Variants in TRIP13 observed in about 807,000 individuals in gnomAD.
The protein encoded by TRIP13 is thyroid hormone receptor interactor 13.
In TRIP13, 25 loss-of-function variants were observed where a neutral mutation model predicts 54.4. That is an observed-to-expected ratio of 0.46 (90% CI 0.33 to 0.64). The LOEUF is 0.64. Ranked by LOEUF, TRIP13 falls within the 30% of genes least tolerant of loss-of-function variation. The pLI is 0.02. For synonymous variants in TRIP13, 207 were observed against 207.8 expected, an observed-to-expected ratio of 1.00 and a Z score of 0.03; for missense variants, 373 against 534.2, an observed-to-expected ratio of 0.70 and a Z score of 2.97.
Position 912,110 on chromosome 5 carries a change from T to G in TRIP13, c.1020+114T>G. On this transcript the variant is annotated intron_variant, in intron 10 of 12. Transcript: ENST00000166345. This position sits in a 1 kb window ranked among gnomAD's most constrained non-coding sequence, Gnocchi z 7.2. Reference sequence around the variant, plus strand: ...GTACGGAGGATTTCAACATATGCATTAACTCCCTTCTTAAATTGAAAACTA... The same window carrying G: ...GTACGGAGGATTTCAACATATGCATGAACTCCCTTCTTAAATTGAAAACTA... 21 of 1,263,632 alleles carry G rather than the reference T, an allele frequency of 1.7e-5. No individual in the cohort carries two copies. Among genetic ancestry groups the G allele is most frequent in the Non-Finnish European group, 2.2e-5 (20 of 922,030 alleles). The allele number at this position is 1,263,632 out of a possible 1,614,324, so 78.3% of individuals were successfully genotyped here.
chr5:906,703 G>A (rs1235358069), intron 6 of TRIP13, among the ~76,000 whole-genome samples: 6 of 152,150 alleles, frequency 3.9e-5, no homozygotes, highest in African/African-American at 1.4e-4. Flanking sequence ...GTGTGTTAAG[G>A]TTAACTTTGG....
At position 911,783 on chromosome 5, in the gene TRIP13, G is replaced by T; in HGVS notation, c.867-60G>T. ...CCAACCTCCTTGCCAGATAGGGCAG[G>T]ATAGAATTGGGTCACCGACAGCCGT... On this transcript the variant is annotated intron_variant, in intron 9 of 12. Transcript: ENST00000166345. The surrounding 1 kb of genome is among the most constrained non-coding windows in gnomAD (Gnocchi z 4.7). The T allele has an allele frequency of 6.4e-7, 1 of 1,562,756 alleles. No homozygotes were observed. Among genetic ancestry groups the T allele is most frequent in the African/African-American group, 1.4e-5 (1 of 73,064 alleles).
Position 913,665 on chromosome 5 carries a change from G to A in TRIP13, c.1021-800G>A, listed in dbSNP as rs1168967825. On this transcript the variant is annotated intron_variant, in intron 10 of 12. Transcript: ENST00000166345. This position sits in a 1 kb window ranked among gnomAD's most constrained non-coding sequence, Gnocchi z 4.5. ...GCCACCGTGCCCAGTGATAGGGGTA[G>A]TTTCTTATTTTAGGCAGTTTATATG... Among the ~76,000 whole-genome samples the A allele has an allele frequency of 6.6e-6, 1 of 152,124 alleles. No individual in the cohort carries two copies. Among genetic ancestry groups the A allele is most frequent in the Non-Finnish European group, 1.5e-5 (1 of 68,014 alleles).
chr5:893,476 A>C (rs1377997827), intron 1 of TRIP13, among the ~76,000 whole-genome samples: 2 of 152,264 alleles, frequency 1.3e-5, no homozygotes, highest in African/African-American at 4.8e-5. Flanking sequence ...CTCTAGTCTC[A>C]GCCGAAAGCT....
intron 9 of TRIP13, among the ~76,000 whole-genome samples, chr5:910,845 C>A (rs1174993418): frequency 6.6e-6 from 1 of 152,248 alleles, no homozygotes; most frequent in Non-Finnish European, 1.5e-5. Context: ...GCTCACCCAA[C>A]CTCTGTGCCT....
At position 894,793 on chromosome 5, in the gene TRIP13, A is replaced by G; in HGVS notation, c.99A>G (p.Ala33=). 1.9e-6 allele frequency: 3 copies of G among 1,597,614 alleles called. No individual in the cohort carries two copies. The highest frequency in any genetic ancestry group is 2.6e-6 in the Non-Finnish European group (3 of 1,173,530). The change falls in exon 2 of 13, where the codon GCA becomes GCG. Residue 33 remains alanine, a synonymous_variant. Transcript: ENST00000166345. Reference sequence around the variant, plus strand: ...TTTTGGCTTCTTTTTTTAGCACTGCAAAGAAAGAAGACATAAACCTGAGTG... The same window carrying G: ...TTTTGGCTTCTTTTTTTAGCACTGCGAAGAAAGAAGACATAAACCTGAGTG... ...VEVHQRGSST[A]KKEDINLSVR...
Position 911,927 on chromosome 5 carries a change from G to A in TRIP13, c.951G>A (p.Gln317=), listed in dbSNP as rs1297575904. The part of the protein sequence containing the change: ...VAFVDRADIK[Q]YIGPPSAAAI... ...TCGTGGACAGGGCTGACATCAAGCAGTACATTGGGCCACCCTCTGCAGCAG... is the reference window on the plus strand; with the variant it reads ...TCGTGGACAGGGCTGACATCAAGCAATACATTGGGCCACCCTCTGCAGCAG... The change falls in exon 10 of 13, where the codon CAG becomes CAA. Residue 317 remains glutamine (Q), a synonymous_variant. Coordinates refer to ENST00000166345, the MANE Select transcript of TRIP13 (RefSeq NM_004237.4). This position sits in a 1 kb window ranked among gnomAD's most constrained non-coding sequence, Gnocchi z 4.7. The A allele has an allele frequency of 1.2e-6, 2 of 1,613,614 alleles. No individual in the cohort carries two copies.
intron 6 of TRIP13, 65 bp downstream of exon 6, chr5:904,285 T>C: frequency 7.0e-7 from 1 of 1,426,938 alleles, no homozygotes; most frequent in Non-Finnish European, 9.6e-7. Context: ...AGGTTGTTTT[T>C]TTTTTTTTCT....
Position 917,039 on chromosome 5 carries a change from A to G in TRIP13, c.1235A>G (p.Gln412Arg), listed in dbSNP as rs773586673. ...APTVTIEGFL[Q>R]ALSLAVDKQF... ...ACCGTCACCATAGAGGGGTTCCTCC[A>G]GGCCCTGTCTCTGGCAGTGGACAAG... The change falls in exon 13 of 13, where the codon CAG becomes CGG. Residue 412 changes from glutamine (Q) to arginine (R), a missense_variant. Physicochemically the swap from Gln to Arg is conservative, Grantham distance 43. Around this residue, in one of 4 missense-constraint regions of TRIP13, gnomAD observed 101 missense variants for 138.5 expected, o/e 0.73. Coordinates refer to ENST00000166345, the MANE Select transcript of TRIP13 (RefSeq NM_004237.4). 3.7e-6 allele frequency: 6 copies of G among 1,614,168 alleles called. No homozygotes were observed. Among genetic ancestry groups the G allele is most frequent in the South Asian group, 1.1e-5 (1 of 91,076 alleles).
chr5:915,985 C>T lies in TRIP13; in HGVS notation c.1203+12C>T. On this transcript the variant is annotated intron_variant, in intron 12 of 12. Coordinates refer to ENST00000166345, the MANE Select transcript of TRIP13 (RefSeq NM_004237.4). This position sits in a 1 kb window ranked among gnomAD's most constrained non-coding sequence, Gnocchi z 4.2. ...CGCTGTATGTCCAGGTGAGTCTCCA[C>T]TGCTGTCCTCCAGCACCCGCCCTGT... 1 of 1,613,830 alleles carries T rather than the reference C, an allele frequency of 6.2e-7. No individual in the cohort carries two copies. Among genetic ancestry groups the T allele is most frequent in the Non-Finnish European group, 8.5e-7 (1 of 1,179,786 alleles).
Position 900,411 on chromosome 5 carries a change from G to T in TRIP13, c.389-83G>T. The T allele has an allele frequency of 2.8e-6, 4 of 1,407,024 alleles. No individual in the cohort carries two copies. In the South Asian group the frequency reaches 3.6e-5, roughly 13 times the overall value. The allele number at this position is 1,407,024 out of a possible 1,614,324, so 87.2% of individuals were successfully genotyped here. Reference sequence around the variant, plus strand: ...TGGAGCAGCACAATGGGAAGCTCAGGCTTAGGCTCAGGGGAGACTGACTGG... The same window carrying T: ...TGGAGCAGCACAATGGGAAGCTCAGTCTTAGGCTCAGGGGAGACTGACTGG... On this transcript the variant is annotated intron_variant, in intron 3 of 12. Coordinates refer to ENST00000166345, the MANE Select transcript of TRIP13 (RefSeq NM_004237.4).
Position 915,509 on chromosome 5 carries a change from G to A in TRIP13, c.1134-395G>A, listed in dbSNP as rs1276978731. Among the ~76,000 whole-genome samples, 2 of 139,396 alleles carry A rather than the reference G, an allele frequency of 1.4e-5. No homozygotes were observed. Among genetic ancestry groups the A allele is most frequent in the East Asian group, 2.2e-4 (1 of 4,580 alleles). 91.4% of individuals were successfully genotyped at this position (139,396 alleles called of 152,430 possible). On this transcript the variant is annotated intron_variant, in intron 11 of 12. Coordinates refer to ENST00000166345, the MANE Select transcript of TRIP13 (RefSeq NM_004237.4). The surrounding 1 kb of genome is among the most constrained non-coding windows in gnomAD (Gnocchi z 4.2). ...TGCTGGCCCTGGGGCAGAGGCTCCCGGGCAGGTGATGCATTCCCTGAGCGC... is the reference window on the plus strand; with the variant it reads ...TGCTGGCCCTGGGGCAGAGGCTCCCAGGCAGGTGATGCATTCCCTGAGCGC...
rs1324739983 is a variant in TRIP13, at chr5:913,211, C to T, written c.1020+1215C>T. On this transcript the variant is annotated intron_variant, in intron 10 of 12. Transcript: ENST00000166345. The surrounding 1 kb of genome is among the most constrained non-coding windows in gnomAD (Gnocchi z 4.5). ...GAGGAAGTCGTGTGTGTTGGAGGTC[C>T]TCACGCACCTTCAGTGTGGGTTCCA... Among the ~76,000 whole-genome samples, 1 of 152,232 alleles carries T rather than the reference C, an allele frequency of 6.6e-6. No homozygotes were observed. Among genetic ancestry groups the T allele is most frequent in the Non-Finnish European group, 1.5e-5 (1 of 68,046 alleles).
chr5:910,318 G>A (rs536476842), intron 9 of TRIP13, among the ~76,000 whole-genome samples: 2 of 152,250 alleles, frequency 1.3e-5, no homozygotes, highest in South Asian at 2.1e-4. Flanking sequence ...TGCTGCTGGC[G>A]TCTCTCCGCA....
chr5:907,318 G>A lies in TRIP13; in HGVS notation c.672+125G>A. 1 of 850,256 alleles carries A rather than the reference G, an allele frequency of 1.2e-6. No individual in the cohort carries two copies. Among genetic ancestry groups the A allele is most frequent in the Non-Finnish European group, 1.9e-6 (1 of 533,926 alleles). The allele number at this position is 850,256 out of a possible 1,614,324, so 52.7% of individuals were successfully genotyped here. Reference sequence around the variant, plus strand: ...GGGTGGGAAGGGTGTGTGAGGATTGGGGCTGACTGTGATCAGAGAAGGTTC... The same window carrying A: ...GGGTGGGAAGGGTGTGTGAGGATTGAGGCTGACTGTGATCAGAGAAGGTTC... On this transcript the variant is annotated intron_variant, in intron 7 of 12. Coordinates refer to ENST00000166345, the MANE Select transcript of TRIP13 (RefSeq NM_004237.4). This position sits in a 1 kb window ranked among gnomAD's most constrained non-coding sequence, Gnocchi z 4.1.
chr5:917,058 G>A lies in TRIP13; in HGVS notation c.1254G>A (p.Val418=), dbSNP rs997653407. 4.3e-6 allele frequency: 7 copies of A among 1,613,996 alleles called. No individual in the cohort carries two copies. The highest frequency in any genetic ancestry group is 3.3e-5 in the Admixed American group (2 of 60,006). ...EGFLQALSLA[V]DKQFEERKKL... The stretch of plus-strand genomic sequence containing the variant: ...TCCTCCAGGCCCTGTCTCTGGCAGT[G>A]GACAAGCAGTTTGAAGAGAGAAAGA... Residue 418 remains valine, a synonymous_variant, in exon 13 of 13, where the codon GTG becomes GTA. Transcript: ENST00000166345.
chr5:914,580 G>A lies in TRIP13; in HGVS notation c.1133+3G>A. On this transcript the variant is annotated splice_donor_region_variant and intron_variant, in intron 11 of 12. Coordinates refer to ENST00000166345, the MANE Select transcript of TRIP13 (RefSeq NM_004237.4). ...CTTCTTTTGAATGACATTTCAAGGT[G>A]CAAATTGACCTCATTTTTGTAATCA... The A allele has an allele frequency of 6.2e-7, 1 of 1,605,274 alleles. No homozygotes were observed.
At position 914,683 on chromosome 5, in the gene TRIP13, T is replaced by G. The variant is rs1754306709; in HGVS notation, c.1133+106T>G. 12 of 835,548 alleles carry G rather than the reference T, an allele frequency of 1.4e-5. No homozygotes were observed. In the South Asian group the frequency reaches 1.4e-4, roughly 10 times the overall value. The allele number at this position is 835,548 out of a possible 1,614,324, so 51.8% of individuals were successfully genotyped here. Reference sequence around the variant, plus strand: ...ACCAGGGAGGGCCCTGGGTGTGAACTCTCAACACAGTATAGGTATGAACAT... The same window carrying G: ...ACCAGGGAGGGCCCTGGGTGTGAACGCTCAACACAGTATAGGTATGAACAT... On this transcript the variant is annotated intron_variant, in intron 11 of 12. Transcript: ENST00000166345.
intron 5 of TRIP13, among the ~76,000 whole-genome samples, chr5:902,723 G>A (rs939161467): frequency 9.9e-5 from 15 of 152,242 alleles, no homozygotes; most frequent in Admixed American, 3.9e-4. Flanking sequence ...CGCGGAGACC[G>A]GTAGTGGCCC....
Sources: allele counts gnomAD v4.1 joint callset (sites outside exome capture counted in the v4.1 genomes callset), GRCh38; gene constraint gnomAD v4.1.1; regional missense constraint gnomAD v4.1.1; non-coding constraint Gnocchi (gnomAD v3.1); transcripts MANE v1.5; gene names NCBI Gene and HGNC (gene_info 2026-07-23, HGNC 2026-07-21).